Variants in SYT2 observed in about 807,000 individuals in gnomAD.
SYT2 encodes the protein synaptotagmin 2, also known as synaptotagmin-2.
SYT2 carries 15 observed loss-of-function variants against 39.9 expected under a neutral mutation model. That is an observed-to-expected ratio of 0.38 (90% confidence interval 0.25 to 0.58). The LOEUF is 0.58. Ranked by LOEUF, SYT2 falls within the 20% of genes least tolerant of loss-of-function variation. The pLI, the probability that SYT2 is intolerant of heterozygous loss-of-function variation, is 0.70. For synonymous variants in SYT2, 181 were observed against 204.5 expected, an observed-to-expected ratio of 0.89 and a Z score of 0.98; for missense variants, 389 against 530.3, an observed-to-expected ratio of 0.73 and a Z score of 2.62.
intron 1 of SYT2, among the ~76,000 whole-genome samples, chr1:202,626,334 G>A (rs796799806): frequency 3.4e-5 from 5 of 148,492 alleles, no homozygotes; most frequent in African/African-American, 1.2e-4. Context: ...AAGAGACCTG[G>A]TTTCTCTTCA....
chr1:202,621,249 C>T (rs1558434085), intron 1 of SYT2, among the ~76,000 whole-genome samples: 1 of 152,168 alleles, frequency 6.6e-6, no homozygotes, highest in Non-Finnish European at 1.5e-5. Context: ...GCTGGATCCT[C>T]AGCCTTGCAA....
intron 1 of SYT2, among the ~76,000 whole-genome samples, chr1:202,672,469 A>G (rs1187768213): frequency 6.6e-6 from 1 of 152,104 alleles, no homozygotes; most frequent in Non-Finnish European, 1.5e-5. Context: ...ACTGTGAGAA[A>G]TAAAGGTCTG....
chr1:202,655,764 G>A (rs937103673), intron 1 of SYT2, among the ~76,000 whole-genome samples: 1 of 152,198 alleles, frequency 6.6e-6, no homozygotes, highest in East Asian at 1.9e-4. Context: ...GGGACAACAG[G>A]AGTGCCAGTC....
chr1:202,643,478 G>C (rs1232764385), intron 1 of SYT2: 1 of 152,402 alleles, frequency 6.6e-6, no homozygotes, highest in Non-Finnish European at 1.5e-5. Context: ...TCTCTCTGCA[G>C]TAGTAACAAC....
chr1:202,610,121 C>T (rs1417500556), intron 1 of SYT2, among the ~76,000 whole-genome samples: 1 of 152,184 alleles, frequency 6.6e-6, no homozygotes, highest in Admixed American at 6.5e-5. Flanking sequence ...CCAGTTTTCC[C>T]AGCACCATTT....
rs1413855773 is a variant in SYT2, at chr1:202,592,497, ACT to A, written c.*4258_*4259del. The A allele has an allele frequency of 2.6e-5, 4 of 152,124 alleles. No individual in the cohort carries two copies. The highest frequency in any genetic ancestry group is 9.7e-5 in the African/African-American group (4 of 41,394). The allele number at this position is 152,124 out of a possible 1,614,324, so 9.4% of individuals were successfully genotyped here. A position where few individuals can be genotyped will look rare whatever the true frequency, so the allele number is the denominator to read the frequency against. On this transcript the variant is annotated 3_prime_UTR_variant, in exon 9 of 9. Coordinates refer to ENST00000367268, the MANE Select transcript of SYT2 (RefSeq NM_177402.5). ...GGGTTTGAGGTTGGGGATCAAGGGG[ACT>A]CTCAGCATTGCCATGCGGCTATTTA...
At chr1:202,627,803 A>G (rs1374122762) in intron 1 of SYT2, among the ~76,000 whole-genome samples, 2 of 152,188 alleles carry the variant, frequency 1.3e-5, no homozygotes, top group Non-Finnish European at 2.9e-5. Flanking sequence ...AAGTGCTGGG[A>G]ATACAAGATG....
chr1:202,670,818 G>C (rs1212758931), intron 1 of SYT2, among the ~76,000 whole-genome samples: 1 of 152,228 alleles, frequency 6.6e-6, no homozygotes, highest in African/African-American at 2.4e-5. Flanking sequence ...GTTTGTCCCA[G>C]TCTGTTCTGA....
chr1:202,609,925 C>T (rs947463186), intron 1 of SYT2, among the ~76,000 whole-genome samples: 1 of 152,158 alleles, frequency 6.6e-6, no homozygotes, highest in African/African-American at 2.4e-5. Context: ...CTTTTGTTGC[C>T]ATTGCTTTTG....
chr1:202,648,397 G>A (rs1387343816), intron 1 of SYT2, among the ~76,000 whole-genome samples: 2 of 152,170 alleles, frequency 1.3e-5, no homozygotes, highest in African/African-American at 2.4e-5. Flanking sequence ...GGCCAGGCTG[G>A]TCTCGAACTC....
chr1:202,683,574 AC>A (rs1653579845), intron 1 of SYT2, among the ~76,000 whole-genome samples: 1 of 152,050 alleles, frequency 6.6e-6, no homozygotes, highest in Non-Finnish European at 1.5e-5. Context: ...CCCCATCTCT[AC>A]AAAAAATATT....
In SYT2 at chr1:202,601,659, C is replaced by T. The variant is rs558754239; in HGVS notation, c.801+231G>A. The stretch of plus-strand genomic sequence containing the variant: ...ACCAAATACCAGTCGCTGCGCTAGG[C>T]GCTTTATGCAGGTAATGAATCCTCA... On this transcript the variant is annotated intron_variant, in intron 6 of 8. Coordinates refer to ENST00000367268, the MANE Select transcript of SYT2 (RefSeq NM_177402.5). The surrounding 1 kb of genome is among the most constrained non-coding windows in gnomAD (Gnocchi z 4.0). 1.3e-5 allele frequency among the ~76,000 whole-genome samples: 2 copies of T among 152,270 alleles called. No individual in the cohort carries two copies. The highest frequency in any genetic ancestry group is 4.8e-5 in the African/African-American group (2 of 41,548).
At chr1:202,678,730 A>G (rs1352078996) in intron 1 of SYT2, among the ~76,000 whole-genome samples, 1 of 151,672 alleles carries the variant, frequency 6.6e-6, no homozygotes, top group Non-Finnish European at 1.5e-5. Flanking sequence ...TCTACCTTCA[A>G]CTCACTTTGC....
rs143598420 is a variant in SYT2 at position 202,616,392 on chromosome 1, G to T, written c.-17-10603C>A. 3.8e-3 allele frequency among the ~76,000 whole-genome samples: 582 copies of T among 152,140 alleles called. 3 individuals are homozygous for T. The highest frequency in any genetic ancestry group is 0.013 in the African/African-American group (557 of 41,492). On this transcript the variant is annotated intron_variant, in intron 1 of 8. Coordinates refer to ENST00000367268, the MANE Select transcript of SYT2 (RefSeq NM_177402.5). ...ACATTTCCCCCTTCCCTCAGCTGAG[G>T]CTGGACCAGTCCAGTTTATCACATC...
intron 5 of SYT2, 47 bp downstream of exon 5, chr1:202,602,331 A>G (rs1219807417): frequency 2.5e-6 from 4 of 1,577,300 alleles, no homozygotes; most frequent in South Asian, 2.3e-5. Context: ...TCAGCAGAGA[A>G]TTGGGATCAG....
intron 1 of SYT2, among the ~76,000 whole-genome samples, chr1:202,699,950 G>A (rs1249694165): frequency 6.6e-6 from 1 of 152,140 alleles, no homozygotes; most frequent in African/African-American, 2.4e-5. Flanking sequence ...GGACTACAAA[G>A]TTTTGAAATC....
At chr1:202,602,293 C>T in intron 5 of SYT2, 85 bp downstream of exon 5, 6 of 1,459,748 alleles carry the variant, frequency 4.1e-6, no homozygotes, top group Non-Finnish European at 4.7e-6. Context: ...TGAGCCATGG[C>T]TAAGGACCAA....
chr1:202,705,652 T>A (rs1558468200), intron 1 of SYT2, among the ~76,000 whole-genome samples: 2 of 151,806 alleles, frequency 1.3e-5, no homozygotes, highest in Admixed American at 6.6e-5. Context: ...AGGGACTTTA[T>A]CCTCATCAGA....
In SYT2 at chr1:202,596,419, G is replaced by A. The variant is rs1374663455; in HGVS notation, c.*338C>T. 4.2e-6 allele frequency: 1 copy of A among 240,754 alleles called. No homozygotes were observed. Among genetic ancestry groups the A allele is most frequent in the African/African-American group, 2.3e-5 (1 of 43,616 alleles). The allele number at this position is 240,754 out of a possible 1,614,324, so 14.9% of individuals were successfully genotyped here. A position where few individuals can be genotyped will look rare whatever the true frequency, so the allele number is the denominator to read the frequency against. On this transcript the variant is annotated 3_prime_UTR_variant, in exon 9 of 9. Transcript: ENST00000367268. ...TTGGTCCAGAAGGCTCAAAAAACAG[G>A]AACTGCTGCAAGTTTGTGCCAGTAG...
Sources: allele counts gnomAD v4.1 joint callset (sites outside exome capture counted in the v4.1 genomes callset), GRCh38; gene constraint gnomAD v4.1.1; non-coding constraint Gnocchi (gnomAD v3.1); transcripts MANE v1.5; gene names NCBI Gene and HGNC (gene_info 2026-07-23, HGNC 2026-07-21).